Variants in DBH observed in about 807,000 individuals in gnomAD.
DBH encodes dopamine beta-hydroxylase, also known as dopamine beta-hydroxylase (dopamine beta-monooxygenase).
DBH carries 49 observed loss-of-function variants against 64.0 expected under a neutral mutation model. The observed-to-expected ratio is 0.77, with a 90% CI of 0.61 to 0.97. The LOEUF (loss-of-function observed/expected upper bound fraction) is 0.97, where lower values mean the gene tolerates loss of function less well. Among genes scored for constraint, DBH ranks in the 50% least tolerant of loss-of-function variants. The pLI, the probability that DBH is intolerant of heterozygous loss-of-function variation, is 0.00. For missense variants in DBH, 828 were observed against 826.6 expected (o/e 1.00, Z -0.02); for synonymous variants, 343 against 347.1 (o/e 0.99, Z 0.13).
intron 8 of DBH, 110 bp from the exon 9 acceptor site, chr9:133,652,829 AC>A (rs1286978860): frequency 3.9e-6 from 3 of 775,946 alleles, no homozygotes; most frequent in African/African-American, 3.4e-5. Context: ...CAGGGACTGT[AC>A]CCCAGAGGTG....
chr9:133,652,394 G>C (rs891484257), intron 8 of DBH, 110 bp downstream of exon 8: 53 of 1,364,908 alleles, frequency 3.9e-5, no homozygotes, highest in Non-Finnish European at 5.1e-5. Context: ...TAGGGGGAGG[G>C]AGAGCCATCC....
At chr9:133,646,863 G>A (rs1832188030) in intron 5 of DBH, among the ~76,000 whole-genome samples, 1 of 152,212 alleles carries the variant, frequency 6.6e-6, no homozygotes, top group Non-Finnish European at 1.5e-5. Flanking sequence ...TGACCACTGG[G>A]AGGCTGGCCC....
In DBH at chr9:133,656,600, G is replaced by A. The variant is rs780707065; in HGVS notation, c.1512G>A (p.Lys504=). The A allele has an allele frequency of 4.3e-6, 7 of 1,613,694 alleles. No homozygotes were observed. The highest frequency in any genetic ancestry group is 3.3e-5 in the Admixed American group (2 of 60,016). Residue 504 remains lysine (K), a synonymous_variant, in exon 10 of 12, where the codon AAG becomes AAA. Transcript: ENST00000393056. ...YYPQTQLELC[K]SAVDAGFLQK... is the part of the protein sequence containing the mutation. ...CCCAGACGCAGCTGGAGCTCTGCAA[G>A]AGCGCTGTGGACGCCGGCTTCCTGC...
chr9:133,659,063 AC>A lies in DBH; in HGVS notation c.*617del, dbSNP rs1832376375. 6.6e-6 allele frequency: 1 copy of A among 152,168 alleles called. No individual in the cohort carries two copies. The allele number at this position is 152,168 out of a possible 1,614,324, so 9.4% of individuals were successfully genotyped here. A position where few individuals can be genotyped will look rare whatever the true frequency, so the allele number is the denominator to read the frequency against. ...CCCTGACAACAACTATCACCAAAAG[AC>A]GAGGCGGCAAAGATCCAGCGGGGCT... On this transcript the variant is annotated 3_prime_UTR_variant, in exon 12 of 12. Coordinates refer to ENST00000393056, the MANE Select transcript of DBH (RefSeq NM_000787.4).
At chr9:133,648,406 CTT>C in intron 6 of DBH, among the ~76,000 whole-genome samples, 1 of 152,252 alleles carries the variant, frequency 6.6e-6, no homozygotes, top group East Asian at 1.9e-4. Context: ...CTTCTTGGCT[CTT>C]TGTGTCCTTC....
intron 5 of DBH, among the ~76,000 whole-genome samples, chr9:133,646,349 T>C (rs1361219064): frequency 1.5e-5 from 2 of 133,212 alleles, no homozygotes; most frequent in Admixed American, 7.3e-5. Context: ...GTCCACCATG[T>C]CCACCATGCA....
chr9:133,639,302 C>A (rs1246977226), intron 1 of DBH, among the ~76,000 whole-genome samples: 4 of 152,054 alleles, frequency 2.6e-5, no homozygotes, highest in Admixed American at 6.5e-5. Flanking sequence ...CAGGGTTGTG[C>A]CAGTGCAGGG....
chr9:133,644,354 C>T, intron 5 of DBH, 34 bp downstream of exon 5: 1 of 1,551,638 alleles, frequency 6.4e-7, no homozygotes, highest in South Asian at 1.1e-5. Flanking sequence ...CCTCAGAAGC[C>T]CTAGGACTCA....
At chr9:133,653,066 G>C in intron 9 of DBH, 67 bp downstream of exon 9, 1 of 1,265,636 alleles carries the variant, frequency 7.9e-7, no homozygotes, top group Non-Finnish European at 1.2e-6. Context: ...ATCTGAGGAA[G>C]GATGACAGGT....
intron 9 of DBH, 145 bp from the exon 10 acceptor site, chr9:133,656,378 A>G (rs1832318541): frequency 9.3e-7 from 1 of 1,080,790 alleles, no homozygotes; most frequent in African/African-American, 1.5e-5. Context: ...CCTTGAGGGC[A>G]GGGACTCGGT....
At chr9:133,638,389 A>G (rs1832076634) in intron 1 of DBH, among the ~76,000 whole-genome samples, 2 of 152,236 alleles carry the variant, frequency 1.3e-5, no homozygotes, top group African/African-American at 4.8e-5. Context: ...AAGGAAATGA[A>G]GAAAAGATGT....
chr9:133,640,851 C>A (rs1218285085), intron 2 of DBH, among the ~76,000 whole-genome samples: 1 of 152,244 alleles, frequency 6.6e-6, no homozygotes, highest in Non-Finnish European at 1.5e-5. Context: ...GGGGAGAGCC[C>A]AGGCCTGAGG....
In DBH at chr9:133,643,334, G is replaced by A. The variant is rs532597502; in HGVS notation, c.745-79G>A. ...CCTCCCATTTTACAGATGGGCATTC[G>A]GAAGCCCATGGAGGAGGGCTGCTGG... On this transcript the variant is annotated intron_variant, in intron 3 of 11. Transcript: ENST00000393056. This position sits in a 1 kb window ranked among gnomAD's most constrained non-coding sequence, Gnocchi z 5.3. 36 of 1,464,884 alleles carry A rather than the reference G, an allele frequency of 2.5e-5. No homozygotes were observed. Among genetic ancestry groups the A allele is most frequent in the East Asian group, 2.3e-4 (10 of 43,674 alleles). The allele number at this position is 1,464,884 out of a possible 1,614,324, so 90.7% of individuals were successfully genotyped here.
At chr9:133,647,347 A>G (rs537387561) in intron 5 of DBH, among the ~76,000 whole-genome samples, 20 of 152,254 alleles carry the variant, frequency 1.3e-4, no homozygotes, top group Non-Finnish European at 2.4e-4. Context: ...TGGGAGTTCC[A>G]TGCCCTCTTC....
At chr9:133,655,236 TC>T (rs1832301619) in intron 9 of DBH, 1 of 152,280 alleles carries the variant, frequency 6.6e-6, no homozygotes, top group South Asian at 2.1e-4. Context: ...GACCTGAGCT[TC>T]TCACACTCTG....
Position 133,644,245 on chromosome 9 carries a change from C to T in DBH, c.949C>T (p.Leu317Phe), listed in dbSNP as rs1832155416. The change falls in exon 5 of 12, where the codon CTT (leucine) becomes TTT (phenylalanine). Residue 317 changes from leucine to phenylalanine, a missense_variant. Physicochemically the swap from Leu to Phe is conservative, Grantham distance 22. Transcript: ENST00000393056. ...ATTTTACTACCCAGAGGAAGCCGGCCTTGCCTTCGGGGGTCCAGGGTCCTC... is the reference window on the plus strand; with the variant it reads ...ATTTTACTACCCAGAGGAAGCCGGCTTTGCCTTCGGGGGTCCAGGGTCCTC... The part of the protein sequence containing the change: ...KAFYYPEEAG[L>F]AFGGPGSSRY... The T allele has an allele frequency of 1.2e-6, 2 of 1,614,066 alleles. No individual in the cohort carries two copies. The highest frequency in any genetic ancestry group is 1.7e-5 in the Admixed American group (1 of 60,016).
chr9:133,652,139 C>A, intron 7 of DBH, 107 bp from the exon 8 acceptor site: 2 of 1,303,268 alleles, frequency 1.5e-6, no homozygotes, highest in South Asian at 1.2e-5. Context: ...GCAAAATGGA[C>A]ACCCCCAGAG....
At chr9:133,657,305 C>T in intron 11 of DBH, 76 bp downstream of exon 11, 1 of 1,571,024 alleles carries the variant, frequency 6.4e-7, no homozygotes, top group Non-Finnish European at 8.7e-7. Flanking sequence ...GGTGATGGGT[C>T]TGCACTCCAA....
chr9:133,640,241 T>C (rs1020943656), intron 2 of DBH, among the ~76,000 whole-genome samples: 19 of 152,210 alleles, frequency 1.2e-4, no homozygotes, highest in African/African-American at 4.6e-4. Context: ...GTAGCTGACA[T>C]GGTTTCTAGA....
Sources: gnomAD v4.1 joint callset for allele counts (sites outside exome capture counted in the v4.1 genomes callset) on GRCh38, gnomAD v4.1.1 for gene constraint, Gnocchi (gnomAD v3.1) non-coding constraint, MANE v1.5 for transcripts, NCBI Gene and HGNC (gene_info 2026-07-23, HGNC 2026-07-21) for gene names.